KIAA0319: variants seen among roughly 807,000 people sequenced by gnomAD.
The protein encoded by KIAA0319 is KIAA0319, also known as dyslexia-associated protein KIAA0319.
Under a neutral mutation model 108.4 loss-of-function variants are expected in KIAA0319, and 83 were observed. The observed-to-expected ratio is 0.77, with a 90% CI of 0.64 to 0.92. The LOEUF is 0.92. KIAA0319 is among the 40% of genes least tolerant of loss of function. The probability of loss-of-function intolerance (pLI) is 0.00; values close to 1 mark genes in which losing one functional copy is unlikely to be tolerated. For synonymous variants in KIAA0319, 484 were observed against 510.4 expected (o/e 0.95, Z 0.70); for missense variants, 1,195 against 1,322.4 (o/e 0.90, Z 1.49).
chr6:24,638,025 C>G (rs1049834794), intron 1 of KIAA0319, among the ~76,000 whole-genome samples: 1 of 152,134 alleles, frequency 6.6e-6, no homozygotes, highest in African/African-American at 2.4e-5. Context: ...AAAGCAACTC[C>G]CACTGAAGAC....
intron 1 of KIAA0319, among the ~76,000 whole-genome samples, chr6:24,624,095 G>A (rs1774368167): frequency 7.6e-6 from 1 of 131,144 alleles, no homozygotes; most frequent in East Asian, 2.3e-4. Flanking sequence ...TGCAATCTTG[G>A]CTCACTGCAG....
intron 1 of KIAA0319, among the ~76,000 whole-genome samples, chr6:24,621,664 A>G (rs1164710565): frequency 1.3e-5 from 2 of 152,220 alleles, no homozygotes; most frequent in Admixed American, 6.5e-5. Context: ...AGAACAGACA[A>G]AAGAAAATAA....
At chr6:24,630,710 T>TATATATATATATATATATACAC (rs373537245) in intron 1 of KIAA0319, among the ~76,000 whole-genome samples, 6 of 138,690 alleles carry the variant, frequency 4.3e-5, no homozygotes, top group African/African-American at 1.8e-4. Context: ...TATACACATA[T>TATATATATATATATATATACAC]ACACACAAAC....
At position 24,616,543 on chromosome 6, in the gene KIAA0319, G is replaced by A. The variant is rs1317999879; in HGVS notation, c.-105-15335C>T. On this transcript the variant is annotated intron_variant, in intron 1 of 20. Transcript: ENST00000378214. ...TAATTTTTGTATTTTTAGTAGAGAC[G>A]GGGTTTCACCATGTTGGCCAGGATG... is the stretch of plus-strand genomic sequence containing the variant. Among the ~76,000 whole-genome samples, 3 of 152,158 alleles carry A rather than the reference G, an allele frequency of 2.0e-5. No homozygotes were observed. In the East Asian group the frequency reaches 5.8e-4, roughly 29 times the overall value.
intron 1 of KIAA0319, among the ~76,000 whole-genome samples, chr6:24,605,215 C>A (rs1212719979): frequency 6.6e-6 from 1 of 152,202 alleles, no homozygotes; most frequent in South Asian, 2.1e-4. Flanking sequence ...CTTATTTGAT[C>A]TACTTGTAGG....
Position 24,601,186 on chromosome 6 carries a change from G to T in KIAA0319, c.-83C>A. On this transcript the variant is annotated 5_prime_UTR_variant, in exon 2 of 21. Coordinates refer to ENST00000378214, the MANE Select transcript of KIAA0319 (RefSeq NM_014809.4). ...TGCAAGCTTCCTTTGATGTTTTTTAGGAGCCAGATTTGGCCTCAAGAACTT... is the reference window on the plus strand; with the variant it reads ...TGCAAGCTTCCTTTGATGTTTTTTATGAGCCAGATTTGGCCTCAAGAACTT... The T allele has an allele frequency of 1.3e-6, 2 of 1,565,988 alleles. No homozygotes were observed. The highest frequency in any genetic ancestry group is 1.2e-5 in the South Asian group (1 of 83,242).
intron 20 of KIAA0319, among the ~76,000 whole-genome samples, chr6:24,550,258 G>C (rs986368860): frequency 6.6e-6 from 1 of 152,212 alleles, no homozygotes; most frequent in Non-Finnish European, 1.5e-5. Flanking sequence ...GTGAGCTCCT[G>C]TAAAGGCAGG....
intron 1 of KIAA0319, among the ~76,000 whole-genome samples, chr6:24,631,627 G>C (rs1430753916): frequency 6.6e-6 from 1 of 151,984 alleles, no homozygotes; most frequent in Non-Finnish European, 1.5e-5. Flanking sequence ...GTGAAACCTT[G>C]AGTGTACACC....
rs930308540 is a variant in KIAA0319 at position 24,645,916 on chromosome 6, G to T, written c.-286C>A. ...TCACACCCTCGCGCGCGCACCTGCT[G>T]TTAAGAGGTACAGCCCCACCCCAGC... On this transcript the variant is annotated 5_prime_UTR_variant, in exon 1 of 21. Transcript: ENST00000378214. The T allele has an allele frequency of 6.7e-6, 1 of 150,288 alleles. No homozygotes were observed. Among genetic ancestry groups the T allele is most frequent in the Non-Finnish European group, 1.5e-5 (1 of 68,762 alleles). 9.3% of individuals were successfully genotyped at this position (150,288 alleles called of 1,614,324 possible).
At chr6:24,605,570 G>A (rs1308027649) in intron 1 of KIAA0319, among the ~76,000 whole-genome samples, 1 of 152,062 alleles carries the variant, frequency 6.6e-6, no homozygotes, top group Non-Finnish European at 1.5e-5. Context: ...TTGATCAAAG[G>A]TAAAGTTTAA....
chr6:24,588,665 G>A lies in KIAA0319; in HGVS notation c.922C>T (p.Pro308Ser). 1 of 1,614,062 alleles carries A rather than the reference G, an allele frequency of 6.2e-7. No individual in the cohort carries two copies. ...GACTCAGAGGGGGCTGCGCTAGTGG[G>A]AGGTGTTGGGATGCTGTGCTCTGTA... is the stretch of plus-strand genomic sequence containing the variant. ...GSTEHSIPTP[P>S]TSAAPSESTP... The change falls in exon 4 of 21, where the codon CCC (proline) becomes TCC (serine). Residue 308 changes from proline to serine, a missense_variant. Pro to Ser is a moderately conservative substitution (Grantham distance 74). Coordinates refer to ENST00000378214, the MANE Select transcript of KIAA0319 (RefSeq NM_014809.4).
rs754716502 is a variant in KIAA0319 at position 24,566,623 on chromosome 6, G to A, written c.2266C>T (p.Arg756Trp). 26 of 1,611,480 alleles carry A rather than the reference G, an allele frequency of 1.6e-5. No individual in the cohort carries two copies. Among genetic ancestry groups the A allele is most frequent in the South Asian group, 1.3e-4 (12 of 90,412 alleles). The change falls in exon 14 of 21, where the codon CGG becomes TGG. Residue 756 changes from arginine to tryptophan, a missense_variant. Physicochemically the swap from Arg to Trp is moderately radical, Grantham distance 101. Coordinates refer to ENST00000378214, the MANE Select transcript of KIAA0319 (RefSeq NM_014809.4). ...DQRIVSYLWI[R>W]DGQSPAAGDV... ...CCAGCTGCTGGACTCTGGCCATCCCGGATCCACAGATAGGACACAATTCTT... is the reference window on the plus strand; with the variant it reads ...CCAGCTGCTGGACTCTGGCCATCCCAGATCCACAGATAGGACACAATTCTT...
chr6:24,584,431 TAA>T (rs5874993), intron 4 of KIAA0319, among the ~76,000 whole-genome samples: 2,394 of 91,268 alleles, frequency 0.026, 36 homozygotes, highest in African/African-American at 0.056. Context: ...AGCAAAGATT[TAA>T]AAAAAAAAAA....
Position 24,599,297 on chromosome 6 carries a change from C to A in KIAA0319, c.55+1752G>T. The A allele has an allele frequency of 2.1e-6, 1 of 483,234 alleles. No homozygotes were observed. The highest frequency in any genetic ancestry group is 3.8e-6 in the Non-Finnish European group (1 of 260,188). 29.9% of individuals were successfully genotyped at this position (483,234 alleles called of 1,614,324 possible). A position where few individuals can be genotyped will look rare whatever the true frequency, so the allele number is the denominator to read the frequency against. On this transcript the variant is annotated intron_variant, in intron 2 of 20. Coordinates refer to ENST00000378214, the MANE Select transcript of KIAA0319 (RefSeq NM_014809.4). This position sits in a 1 kb window ranked among gnomAD's most constrained non-coding sequence, Gnocchi z 4.1. ...TCTCTGAGATGAATCAGAACATCAG[C>A]CGGCTCCAGACTGAGACTGAGGGCC...
chr6:24,570,128 C>T, intron 11 of KIAA0319, 93 bp from the exon 12 acceptor site: 1 of 1,203,256 alleles, frequency 8.3e-7, no homozygotes, highest in South Asian at 1.4e-5. Context: ...TACTCATCTT[C>T]AGACCAGGCA....
chr6:24,626,367 A>G (rs1774716209), intron 1 of KIAA0319, among the ~76,000 whole-genome samples: 1 of 152,180 alleles, frequency 6.6e-6, no homozygotes, highest in South Asian at 2.1e-4. Context: ...TCCCGTCTCT[A>G]CTAAAAATAC....
intron 1 of KIAA0319, among the ~76,000 whole-genome samples, chr6:24,636,766 T>C (rs947059132): frequency 6.6e-6 from 1 of 152,228 alleles, no homozygotes; most frequent in Non-Finnish European, 1.5e-5. Context: ...ATCTTGTTTA[T>C]GCTCTTATTT....
At position 24,570,988 on chromosome 6, in the gene KIAA0319, A is replaced by G. The variant is rs1022264090; in HGVS notation, c.1859-953T>C. 2.0e-5 allele frequency among the ~76,000 whole-genome samples: 3 copies of G among 151,928 alleles called. 1 individual carries two copies. The highest frequency in any genetic ancestry group is 7.3e-5 in the African/African-American group (3 of 41,358). ...GGGGATCACTTGAGGCCAGGAGTTCAAGACCAGCCTGGCCAACGTGGCGAA... is the reference window on the plus strand; with the variant it reads ...GGGGATCACTTGAGGCCAGGAGTTCGAGACCAGCCTGGCCAACGTGGCGAA... On this transcript the variant is annotated intron_variant, in intron 11 of 20. Coordinates refer to ENST00000378214, the MANE Select transcript of KIAA0319 (RefSeq NM_014809.4).
chr6:24,612,275 G>A (rs1772444483), intron 1 of KIAA0319, among the ~76,000 whole-genome samples: 1 of 151,766 alleles, frequency 6.6e-6, no homozygotes, highest in African/African-American at 2.4e-5. Flanking sequence ...AACACAGCGA[G>A]ACCTCATCTC....
Sources: allele counts gnomAD v4.1 joint callset (sites outside exome capture counted in the v4.1 genomes callset), GRCh38; gene constraint gnomAD v4.1.1; non-coding constraint Gnocchi (gnomAD v3.1); transcripts MANE v1.5; gene names NCBI Gene and HGNC (gene_info 2026-07-23, HGNC 2026-07-21).